Variants in GTPBP3 observed in about 807,000 individuals in gnomAD.
GTPBP3 encodes the protein GTP binding protein 3, mitochondrial.
A neutral mutation model predicts 42.0 loss-of-function variants in GTPBP3; 35 were observed. The observed-to-expected ratio is 0.83, with a 90% CI of 0.64 to 1.10. The LOEUF is 1.10. Among genes scored for constraint, GTPBP3 ranks in the 50% least tolerant of loss-of-function variants. The pLI is 0.00. For missense variants in GTPBP3, 691 were observed against 685.2 expected, an observed-to-expected ratio of 1.01 and a Z score of -0.09; for synonymous variants, 332 against 314.9, an observed-to-expected ratio of 1.05 and a Z score of -0.58.
chr19:17,341,453 A>T, intron 8 of GTPBP3, 25 bp from the exon 9 acceptor site: 1 of 1,594,772 alleles, frequency 6.3e-7, no homozygotes, highest in Non-Finnish European at 8.6e-7. Context: ...AGGTCGGGAG[A>T]GACCATGTCT....
At chr19:17,338,897 T>C in intron 4 of GTPBP3, 57 bp from the exon 5 acceptor site, 1 of 1,548,764 alleles carries the variant, frequency 6.5e-7, no homozygotes, top group Non-Finnish European at 8.7e-7. Flanking sequence ...ACAAATTGGG[T>C]GTGGGAAGGT....
chr19:17,337,977 G>A (rs2074383464), intron 1 of GTPBP3, 31 bp from the exon 2 acceptor site: 1 of 1,593,158 alleles, frequency 6.3e-7, no homozygotes. Flanking sequence ...AGCCTCCCAG[G>A]TGCGCTGATT....
At chr19:17,337,757 A>G (rs530720744) in intron 1 of GTPBP3, 93 bp downstream of exon 1, 1 of 1,368,324 alleles carries the variant, frequency 7.3e-7, no homozygotes, top group Admixed American at 3.1e-5. Context: ...TCCCTGCGGC[A>G]GAGCAATCAT....
upstream of GTPBP3, chr19:17,335,165 G>C (rs2074356225): frequency 6.5e-7 from 1 of 1,534,812 alleles, no homozygotes; most frequent in East Asian, 2.4e-5. Flanking sequence ...GGGCCGGTTG[G>C]GGAAGATTCC....
chr19:17,339,026 G>A lies in GTPBP3; in HGVS notation c.664G>A (p.Ala222Thr), dbSNP rs1461867852. 3.7e-6 allele frequency: 6 copies of A among 1,614,138 alleles called. No individual in the cohort carries two copies. Among genetic ancestry groups the A allele is most frequent in the Middle Eastern group, 1.7e-4 (1 of 6,060 alleles). ...DNLEEGVLEQADIEVRALQVA... is the reference protein window; with the variant it reads ...DNLEEGVLEQTDIEVRALQVA... ...CCTGGAGGAGGGGGTCCTGGAGCAAGGTGGGTCTACCTGGTGGTGGGGGAG... is the reference window on the plus strand; with the variant it reads ...CCTGGAGGAGGGGGTCCTGGAGCAAAGTGGGTCTACCTGGTGGTGGGGGAG... The change falls in exon 5 of 9, where the codon GCC (alanine) becomes ACC (threonine). Residue 222 changes from alanine to threonine, a missense_variant and splice_region_variant. Coordinates refer to ENST00000324894, the MANE Select transcript of GTPBP3 (RefSeq NM_032620.4).
At chr19:17,339,869 C>G (rs916183026) in intron 7 of GTPBP3, among the ~76,000 whole-genome samples, 2 of 151,452 alleles carry the variant, frequency 1.3e-5, no homozygotes, top group Non-Finnish European at 1.5e-5. Flanking sequence ...GCCTCAGCCT[C>G]CCAAGTAGCT....
At chr19:17,339,343 C>A (rs1015617900) in intron 6 of GTPBP3, 77 bp downstream of exon 6, 2 of 1,580,622 alleles carry the variant, frequency 1.3e-6, no homozygotes, top group Admixed American at 1.7e-5. Context: ...GTTAGTTGTT[C>A]AGGTCTAAAG....
At chr19:17,335,127 G>A (rs1421492612), upstream of GTPBP3, 3 of 1,535,668 alleles carry the variant, frequency 2.0e-6, no homozygotes, top group South Asian at 2.4e-5. Context: ...ATGGGCGTAA[G>A]TTGACTAAGG....
rs773807794 is a variant in GTPBP3, at chr19:17,338,666, G to T, written c.516G>T (p.Gln172His). ...TTATCCACGCGGAAACAGAGGCGCA[G>T]CGGCGGCAGGCCCTCAGGCAGCTGG... is the stretch of plus-strand genomic sequence containing the variant. ...ADLIHAETEA[Q>H]RRQALRQLDG... is the part of the protein sequence containing the mutation. The change falls in exon 4 of 9, where the codon CAG becomes CAT. Residue 172 changes from glutamine (Q) to histidine (H), a missense_variant. By Grantham distance (24) the Gln-to-His change is conservative. Coordinates refer to ENST00000324894, the MANE Select transcript of GTPBP3 (RefSeq NM_032620.4). 6.2e-7 allele frequency: 1 copy of T among 1,613,762 alleles called. No individual in the cohort carries two copies. Among genetic ancestry groups the T allele is most frequent in the South Asian group, 1.1e-5 (1 of 91,056 alleles).
At chr19:17,339,720 G>A (rs2074409850) in intron 7 of GTPBP3, 121 bp downstream of exon 7, 2 of 940,530 alleles carry the variant, frequency 2.1e-6, no homozygotes, top group Middle Eastern at 3.4e-4. Context: ...ATCAAGCATG[G>A]ATCTCAGGGA....
chr19:17,341,752 C>T lies in GTPBP3; in HGVS notation c.*49C>T, dbSNP rs972366742. ...AAGCTGCGTGGAGACCCAGGAGCCT[C>T]GGGGGATCTGGAAACAGTTTAGGCC... On this transcript the variant is annotated 3_prime_UTR_variant, in exon 9 of 9. Transcript: ENST00000324894. The T allele has an allele frequency of 2.3e-5, 34 of 1,474,294 alleles. No homozygotes were observed. The highest frequency in any genetic ancestry group is 2.0e-4 in the Admixed American group (9 of 45,648). The allele number at this position is 1,474,294 out of a possible 1,614,324, so 91.3% of individuals were successfully genotyped here. A position where few individuals can be genotyped will look rare whatever the true frequency, so the allele number is the denominator to read the frequency against.
At position 17,338,234 on chromosome 19, in the gene GTPBP3, G is replaced by A. The variant is rs373671727; in HGVS notation, c.280G>A (p.Ala94Thr). Reference sequence around the variant, plus strand: ...CCGCTCCGGGGAGCCTCTGGACCGCGCACTGGTGCTCTGGTTCCCAGGTGA... The same window carrying A: ...CCGCTCCGGGGAGCCTCTGGACCGCACACTGGTGCTCTGGTTCCCAGGTGA... ...DPRSGEPLDRALVLWFPGPQS... is the reference protein window; with the variant it reads ...DPRSGEPLDRTLVLWFPGPQS... The change falls in exon 2 of 9, where the codon GCA becomes ACA. Residue 94 changes from alanine to threonine, a missense_variant. By Grantham distance (58) the Ala-to-Thr change is moderately conservative. Coordinates refer to ENST00000324894, the MANE Select transcript of GTPBP3 (RefSeq NM_032620.4). 6.3e-6 allele frequency: 10 copies of A among 1,585,694 alleles called. No homozygotes were observed. The highest frequency in any genetic ancestry group is 4.0e-5 in the African/African-American group (3 of 74,434).
chr19:17,340,415 A>G (rs1023003379), intron 7 of GTPBP3, among the ~76,000 whole-genome samples: 1 of 151,406 alleles, frequency 6.6e-6, no homozygotes, highest in Admixed American at 6.6e-5. Context: ...CCCAGCCCTC[A>G]CGTTCTGCCC....
upstream of GTPBP3, chr19:17,335,027 C>T (rs187068571): frequency 1.0e-3 from 1,534 of 1,536,156 alleles, 20 homozygotes; most frequent in Admixed American, 0.022. Context: ...CAACTTGTCC[C>T]CACCCATGCT....
rs200396905 is a variant in GTPBP3 at position 17,341,673 on chromosome 19, C to G, written c.1449C>G (p.Ile483Met). 6.3e-7 allele frequency: 1 copy of G among 1,594,768 alleles called. No homozygotes were observed. Among genetic ancestry groups the G allele is most frequent in the East Asian group, 2.3e-5 (1 of 44,404 alleles). The change falls in exon 9 of 9, where the codon ATC (isoleucine) becomes ATG (methionine). Residue 483 changes from isoleucine to methionine, a missense_variant. Transcript: ENST00000324894. ...GGGGTACCGAGGAGATCCTGGACAT[C>G]ATCTTCCAGGACTTCTGTGTGGGCA... ...GGGGTEEILD[I>M]IFQDFCVGK
At chr19:17,337,717 G>C (rs777099928) in intron 1 of GTPBP3, 53 bp downstream of exon 1, 175 of 1,404,018 alleles carry the variant, frequency 1.2e-4, no homozygotes, top group Non-Finnish European at 1.6e-4. Flanking sequence ...TTGGACCCCA[G>C]ACCCACTCCC....
Position 17,338,432 on chromosome 19 carries a change from C to T in GTPBP3, c.369C>T (p.Ser123=), listed in dbSNP as rs756369422. Reference sequence around the variant, plus strand: ...TGCATGGAGGCCCGGCAGTGGTGAGCGGCGTCCTGCAGGCCTTGGGTGAGT... The same window carrying T: ...TGCATGGAGGCCCGGCAGTGGTGAGTGGCGTCCTGCAGGCCTTGGGTGAGT... ...FHVHGGPAVV[S]GVLQALGSVP... The change falls in exon 3 of 9, where the codon AGC becomes AGT. Residue 123 remains serine (S), a synonymous_variant. Transcript: ENST00000324894. 4.3e-6 allele frequency: 7 copies of T among 1,613,938 alleles called. No individual in the cohort carries two copies. Among genetic ancestry groups the T allele is most frequent in the African/African-American group, 2.7e-5 (2 of 74,924 alleles).
intron 7 of GTPBP3, among the ~76,000 whole-genome samples, chr19:17,339,957 A>T (rs1482536117): frequency 7.0e-6 from 1 of 143,416 alleles, no homozygotes; most frequent in Non-Finnish European, 1.5e-5. Context: ...AGGTTTCACT[A>T]TGTTGGCCAG....
upstream of GTPBP3, chr19:17,337,549 C>G (rs1302293727): frequency 7.7e-7 from 1 of 1,291,042 alleles, no homozygotes; most frequent in African/African-American, 1.5e-5. Context: ...GTGGGCGGGG[C>G]CCCCTGCCCA....
Sources: allele counts gnomAD v4.1 joint callset (sites outside exome capture counted in the v4.1 genomes callset), GRCh38; gene constraint gnomAD v4.1.1; transcripts MANE v1.5; gene names NCBI Gene and HGNC (gene_info 2026-07-23, HGNC 2026-07-21).